Variants in B3GALT1 observed in about 807,000 individuals in gnomAD.
The protein encoded by B3GALT1 is beta-1,3-galactosyltransferase 1, also known as UDP-Gal:betaGlcNAc beta 1,3-galactosyltransferase, polypeptide 1.
B3GALT1 carries 10 observed loss-of-function variants against 23.2 expected under a neutral mutation model. That is an observed-to-expected ratio of 0.43 (90% CI 0.27 to 0.73). The LOEUF is 0.73. B3GALT1 is among the 30% of genes least tolerant of loss of function. B3GALT1 has a pLI of 0.21. For missense variants in B3GALT1, 299 were observed against 405.4 expected, an observed-to-expected ratio of 0.74 and a Z score of 2.25; for synonymous variants, 156 against 141.5, an observed-to-expected ratio of 1.10 and a Z score of -0.73.
At chr2:167,695,975 C>T (rs1686785952) in intron 3 of B3GALT1, among the ~76,000 whole-genome samples, 1 of 152,026 alleles carries the variant, frequency 6.6e-6, no homozygotes, top group South Asian at 2.1e-4. Flanking sequence ...ATACACATCC[C>T]TTAGGTCATA....
intron 1 of B3GALT1, among the ~76,000 whole-genome samples, chr2:167,434,541 C>A (rs1236315228): frequency 1.4e-5 from 2 of 145,264 alleles, no homozygotes; most frequent in African/African-American, 5.1e-5. Flanking sequence ...AAAAAAAAAA[C>A]CCACATAACT....
intron 2 of B3GALT1, among the ~76,000 whole-genome samples, chr2:167,526,198 C>T (rs1683217326): frequency 6.6e-6 from 1 of 152,228 alleles, no homozygotes; most frequent in South Asian, 2.1e-4. Flanking sequence ...CACACACACA[C>T]ACACACATAT....
intron 4 of B3GALT1, among the ~76,000 whole-genome samples, chr2:167,861,518 C>T (rs1311382690): frequency 6.6e-6 from 1 of 152,098 alleles, no homozygotes; most frequent in Non-Finnish European, 1.5e-5. Context: ...CACAAAGATG[C>T]TCTCCTAATA....
At chr2:167,770,238 C>T (rs951288332) in intron 3 of B3GALT1, among the ~76,000 whole-genome samples, 1 of 152,172 alleles carries the variant, frequency 6.6e-6, no homozygotes, top group African/African-American at 2.4e-5. Flanking sequence ...TCCCAAGTAG[C>T]TAGGACTGCA....
intron 1 of B3GALT1, among the ~76,000 whole-genome samples, chr2:167,429,790 G>A (rs544590767): frequency 3.9e-4 from 60 of 152,270 alleles, no homozygotes; most frequent in African/African-American, 1.3e-3. Context: ...AGGGATGTGA[G>A]GCATAAATAA....
At chr2:167,396,482 G>A (rs1248549308) in intron 1 of B3GALT1, among the ~76,000 whole-genome samples, 1 of 150,164 alleles carries the variant, frequency 6.7e-6, no homozygotes, top group East Asian at 2.0e-4. Context: ...AACATTTTCC[G>A]AATAGAATTA....
intron 4 of B3GALT1, among the ~76,000 whole-genome samples, chr2:167,828,776 T>G (rs1042920734): frequency 2.0e-5 from 3 of 152,268 alleles, no homozygotes; most frequent in African/African-American, 4.8e-5. Context: ...TGGTTTGTTC[T>G]GTAGGATCTT....
At chr2:167,308,528 C>G (rs1413599349) in intron 1 of B3GALT1, among the ~76,000 whole-genome samples, 1 of 151,912 alleles carries the variant, frequency 6.6e-6, no homozygotes, top group Non-Finnish European at 1.5e-5. Context: ...CTTTAACATT[C>G]CATGTGAAAA....
At chr2:167,324,584 A>T (rs1403883197) in intron 1 of B3GALT1, among the ~76,000 whole-genome samples, 3 of 152,008 alleles carry the variant, frequency 2.0e-5, no homozygotes, top group African/African-American at 7.2e-5. Context: ...TTAATGTTAA[A>T]TTTTTGATAT....
rs1266843790 is a variant in B3GALT1, at chr2:167,873,275, G to C, written c.*3255G>C. 2.0e-5 allele frequency: 3 copies of C among 151,946 alleles called. No homozygotes were observed. The highest frequency in any genetic ancestry group is 2.9e-5 in the Non-Finnish European group (2 of 67,998). The allele number at this position is 151,946 out of a possible 1,614,324, so 9.4% of individuals were successfully genotyped here. ...GAAAAACGTTTCTCTTTGGTGGCTAGTTTCGGTGGCTTGGTGTCTTCTTAT... is the reference window on the plus strand; with the variant it reads ...GAAAAACGTTTCTCTTTGGTGGCTACTTTCGGTGGCTTGGTGTCTTCTTAT... On this transcript the variant is annotated 3_prime_UTR_variant, in exon 5 of 5. Transcript: ENST00000392690.
At chr2:167,809,752 G>C (rs534759291) in intron 3 of B3GALT1, among the ~76,000 whole-genome samples, 95 of 152,354 alleles carry the variant, frequency 6.2e-4, no homozygotes, top group Non-Finnish European at 9.0e-4. Context: ...TGAGGAGGCA[G>C]TCTGTCTGTT....
intron 3 of B3GALT1, among the ~76,000 whole-genome samples, chr2:167,782,461 C>T (rs560106893): frequency 1.3e-5 from 2 of 152,294 alleles, no homozygotes; most frequent in Admixed American, 6.5e-5. Flanking sequence ...CAGCATCTGT[C>T]TGATAAGATG....
intron 3 of B3GALT1, among the ~76,000 whole-genome samples, chr2:167,674,554 T>TGGATTGG (rs1686389778): frequency 6.6e-6 from 1 of 152,220 alleles, no homozygotes; most frequent in Admixed American, 6.5e-5. Flanking sequence ...GCATATGACT[T>TGGATTGG]AACTAAATAG....
rs147702906 is a variant in B3GALT1 at position 167,853,433 on chromosome 2, T to G, written c.-229-15378T>G. The stretch of plus-strand genomic sequence containing the variant: ...TAACCCAATTATCCTTATCAATAAT[T>G]AACTATTTCAATTGTAGTATCATAC... On this transcript the variant is annotated intron_variant, in intron 4 of 4. Transcript: ENST00000392690. 2.3e-3 allele frequency among the ~76,000 whole-genome samples: 355 copies of G among 152,260 alleles called. 4 individuals carry two copies. Among genetic ancestry groups the G allele is most frequent in the African/African-American group, 8.2e-3 (339 of 41,558 alleles).
intron 1 of B3GALT1, among the ~76,000 whole-genome samples, chr2:167,424,242 A>C (rs1559092355): frequency 6.6e-6 from 1 of 152,228 alleles, no homozygotes; most frequent in Non-Finnish European, 1.5e-5. Context: ...GAACAACAGA[A>C]AACAATGTCT....
chr2:167,817,547 T>C (rs13405859), intron 3 of B3GALT1, among the ~76,000 whole-genome samples: 3,615 of 151,838 alleles, frequency 0.024, 145 homozygotes, highest in African/African-American at 0.083. Flanking sequence ...CACACAACAG[T>C]GATTATCATA....
chr2:167,601,952 C>T (rs1684885191), intron 2 of B3GALT1, among the ~76,000 whole-genome samples: 1 of 152,114 alleles, frequency 6.6e-6, no homozygotes, highest in African/African-American at 2.4e-5. Flanking sequence ...CTTCAAAGTT[C>T]TTTTTATCAC....
chr2:167,809,580 C>T (rs1220031718), intron 3 of B3GALT1, among the ~76,000 whole-genome samples: 2 of 152,212 alleles, frequency 1.3e-5, no homozygotes, highest in South Asian at 2.1e-4. Flanking sequence ...GTATCAGCAG[C>T]AGAGGCTGCA....
At chr2:167,505,146 G>A (rs1699900946) in intron 2 of B3GALT1, among the ~76,000 whole-genome samples, 1 of 152,140 alleles carries the variant, frequency 6.6e-6, no homozygotes, top group African/African-American at 2.4e-5. Context: ...GATGTATTGG[G>A]AAGATTACAC....
Sources: gnomAD v4.1 joint callset for allele counts (sites outside exome capture counted in the v4.1 genomes callset) on GRCh38, gnomAD v4.1.1 for gene constraint, MANE v1.5 for transcripts, NCBI Gene and HGNC (gene_info 2026-07-23, HGNC 2026-07-21) for gene names.